Variants in CPA6 observed in about 807,000 individuals in gnomAD.
The protein encoded by CPA6 is carboxypeptidase B.
In CPA6, 58 loss-of-function variants were observed where a neutral mutation model predicts 63.3. That is an observed-to-expected ratio of 0.92 (90% CI 0.74 to 1.14). The LOEUF is 1.14. CPA6 is among the 50% of genes most tolerant of loss of function. The pLI, the probability that CPA6 is intolerant of heterozygous loss-of-function variation, is 0.00. For missense variants in CPA6, 565 were observed against 526.6 expected, an observed-to-expected ratio of 1.07 and a Z score of -0.71; for synonymous variants, 185 against 179.0, an observed-to-expected ratio of 1.03 and a Z score of -0.27.
intron 1 of CPA6, among the ~76,000 whole-genome samples, chr8:67,703,708 A>T (rs1817073672): frequency 1.3e-5 from 2 of 152,210 alleles, no homozygotes; most frequent in Non-Finnish European, 2.9e-5. Context: ...TTACTCTACC[A>T]GCTCAGATGA....
At chr8:67,483,676 G>T (rs769091861) in intron 8 of CPA6, 92 bp downstream of exon 8, 1 of 991,566 alleles carries the variant, frequency 1.0e-6, no homozygotes, top group East Asian at 2.4e-5. Flanking sequence ...AGAAAAACAT[G>T]AGTCTCCCAT....
intron 2 of CPA6, among the ~76,000 whole-genome samples, chr8:67,589,046 AG>A (rs957742254): frequency 6.6e-6 from 1 of 151,960 alleles, no homozygotes; most frequent in Non-Finnish European, 1.5e-5. Context: ...TGAGCCCCGG[AG>A]GCAGAGGTTG....
intron 8 of CPA6, among the ~76,000 whole-genome samples, chr8:67,469,876 T>G (rs1253301767): frequency 1.3e-5 from 2 of 152,108 alleles, no homozygotes; most frequent in African/African-American, 4.8e-5. Flanking sequence ...TCCCCTTCCC[T>G]TCACTCATTC....
At chr8:67,709,166 G>T (rs143276508) in intron 1 of CPA6, among the ~76,000 whole-genome samples, 1 of 152,152 alleles carries the variant, frequency 6.6e-6, no homozygotes, top group Non-Finnish European at 1.5e-5. Flanking sequence ...AGCACACTGC[G>T]TATGCGGCCC....
At chr8:67,700,272 T>C (rs1238718479) in intron 1 of CPA6, among the ~76,000 whole-genome samples, 1 of 152,224 alleles carries the variant, frequency 6.6e-6, no homozygotes, top group Non-Finnish European at 1.5e-5. Context: ...ACAAGTTGAA[T>C]AGCACACATT....
intron 10 of CPA6, among the ~76,000 whole-genome samples, chr8:67,425,931 C>T (rs528349214): frequency 1.3e-5 from 2 of 148,746 alleles, no homozygotes; most frequent in African/African-American, 2.5e-5. Context: ...GAATCTCGCT[C>T]TGTCACCCAG....
chr8:67,662,961 G>A (rs183064229), intron 1 of CPA6, among the ~76,000 whole-genome samples: 1 of 152,176 alleles, frequency 6.6e-6, no homozygotes, highest in Non-Finnish European at 1.5e-5. Flanking sequence ...AAGAAGAAGT[G>A]CACCAAAGTC....
chr8:67,508,636 T>C (rs939572887), intron 5 of CPA6, among the ~76,000 whole-genome samples: 2 of 152,064 alleles, frequency 1.3e-5, no homozygotes, highest in African/African-American at 4.8e-5. Context: ...GAGAATCAAT[T>C]AGGAGTGGTT....
At chr8:67,568,677 CA>C in intron 2 of CPA6, among the ~76,000 whole-genome samples, 1 of 152,252 alleles carries the variant, frequency 6.6e-6, no homozygotes, top group Non-Finnish European at 1.5e-5. Flanking sequence ...GTGACACCAT[CA>C]AGAGACCTAA....
At chr8:67,436,238 G>C (rs1251748956) in intron 8 of CPA6, among the ~76,000 whole-genome samples, 2 of 152,134 alleles carry the variant, frequency 1.3e-5, no homozygotes, top group Non-Finnish European at 2.9e-5. Context: ...GAGGCGAGAG[G>C]CAAGGCGAAG....
At chr8:67,665,042 A>T (rs914244426) in intron 1 of CPA6, among the ~76,000 whole-genome samples, 7 of 152,152 alleles carry the variant, frequency 4.6e-5, no homozygotes, top group African/African-American at 1.7e-4. Flanking sequence ...TTTTCTTCTT[A>T]CTTCTGAAGT....
chr8:67,733,210 AAAAAAAAAAAAAAAT>A (rs1563412931), intron 1 of CPA6, among the ~76,000 whole-genome samples: 26 of 129,434 alleles, frequency 2.0e-4, no homozygotes, highest in Non-Finnish European at 3.4e-4. Flanking sequence ...AAAAAAAAAA[AAAAAAAAAAAAAAAT>A]AAAAAAATTT....
intron 2 of CPA6, among the ~76,000 whole-genome samples, chr8:67,564,740 G>T (rs1813296998): frequency 1.3e-5 from 2 of 152,174 alleles, no homozygotes; most frequent in Non-Finnish European, 2.9e-5. Flanking sequence ...CATTAAGTAT[G>T]ATGTCAATGC....
chr8:67,520,688 T>C (rs1812240394), intron 2 of CPA6, among the ~76,000 whole-genome samples: 1 of 152,200 alleles, frequency 6.6e-6, no homozygotes, highest in Non-Finnish European at 1.5e-5. Flanking sequence ...TAATTGTAGA[T>C]ACATTTAATG....
intron 2 of CPA6, among the ~76,000 whole-genome samples, chr8:67,582,650 T>C (rs1421175230): frequency 6.6e-6 from 1 of 152,180 alleles, no homozygotes; most frequent in East Asian, 1.9e-4. Flanking sequence ...GGAAGATCGA[T>C]GAATGAATGA....
intron 2 of CPA6, among the ~76,000 whole-genome samples, chr8:67,622,841 G>A (rs1215858926): frequency 6.6e-6 from 1 of 152,094 alleles, no homozygotes; most frequent in Non-Finnish European, 1.5e-5. Context: ...AATCTGCTTT[G>A]CTGTCCATTA....
intron 1 of CPA6, among the ~76,000 whole-genome samples, chr8:67,739,491 G>T (rs1647280083): frequency 6.6e-6 from 1 of 152,156 alleles, no homozygotes; most frequent in South Asian, 2.1e-4. Context: ...TAGAACCAAG[G>T]ACATGTCCTT....
chr8:67,496,423 A>G (rs899935523), intron 6 of CPA6, among the ~76,000 whole-genome samples: 2 of 150,568 alleles, frequency 1.3e-5, no homozygotes, highest in African/African-American at 2.4e-5. Context: ...TTTTTGGGAT[A>G]TAATTCACAC....
At chr8:67,519,514 G>T (rs1563984255) in intron 2 of CPA6, among the ~76,000 whole-genome samples, 1 of 152,190 alleles carries the variant, frequency 6.6e-6, no homozygotes, top group Non-Finnish European at 1.5e-5. Context: ...AATACTTTGT[G>T]ACTCAGGAAA....
Sources: allele counts gnomAD v4.1 joint callset (sites outside exome capture counted in the v4.1 genomes callset), GRCh38; gene constraint gnomAD v4.1.1; transcripts MANE v1.5; gene names NCBI Gene and HGNC (gene_info 2026-07-23, HGNC 2026-07-21).